Variants in KCNIP4 observed in about 807,000 individuals in gnomAD.
The protein encoded by KCNIP4 is Kv channel-interacting protein 4.
Under a neutral mutation model 34.0 loss-of-function variants are expected in KCNIP4, and 12 were observed. That is an observed-to-expected ratio of 0.35 (90% CI 0.23 to 0.57). The LOEUF (loss-of-function observed/expected upper bound fraction) is 0.57, where lower values mean the gene tolerates loss of function less well. Among genes scored for constraint, KCNIP4 ranks in the 20% least tolerant of loss-of-function variants. The pLI, the probability that KCNIP4 is intolerant of heterozygous loss-of-function variation, is 0.83. For missense variants in KCNIP4, 238 were observed against 311.7 expected, an observed-to-expected ratio of 0.76 and a Z score of 1.78; for synonymous variants, 124 against 102.2, an observed-to-expected ratio of 1.21 and a Z score of -1.29.
At chr4:21,106,086 G>A (rs1236005121) in intron 1 of KCNIP4, among the ~76,000 whole-genome samples, 6 of 151,504 alleles carry the variant, frequency 4.0e-5, no homozygotes, top group African/African-American at 1.5e-4. Context: ...GCCTGGCTTT[G>A]GTATCAGGAT....
At chr4:21,217,402 G>A (rs775800228) in intron 1 of KCNIP4, among the ~76,000 whole-genome samples, 14 of 152,146 alleles carry the variant, frequency 9.2e-5, no homozygotes, top group Non-Finnish European at 1.9e-4. Context: ...GTGGGCAAAG[G>A]CAAGTTGGGA....
At chr4:21,807,023 A>G (rs994389924) in intron 1 of KCNIP4, among the ~76,000 whole-genome samples, 4 of 152,076 alleles carry the variant, frequency 2.6e-5, no homozygotes, top group African/African-American at 9.7e-5. Context: ...CTGCAACTAG[A>G]TGGTCCCACC....
At position 21,688,650 on chromosome 4, in the gene KCNIP4, A is replaced by G. The variant is rs138778939; in HGVS notation, c.61+259921T>C. Among the ~76,000 whole-genome samples the G allele has an allele frequency of 2.6e-3, 401 of 152,198 alleles. 1 individual carries two copies. Among genetic ancestry groups the G allele is most frequent in the African/African-American group, 7.7e-3 (320 of 41,542 alleles). On this transcript the variant is annotated intron_variant, in intron 1 of 8. Coordinates refer to ENST00000382152, the MANE Select transcript of KCNIP4 (RefSeq NM_025221.6). Reference sequence around the variant, plus strand: ...ACAGGTGTTTAATTGATAAAATGCAATATTTCCTACCTGACCACTCAAAAA... The same window carrying G: ...ACAGGTGTTTAATTGATAAAATGCAGTATTTCCTACCTGACCACTCAAAAA...
At chr4:20,878,659 T>C (rs945758241) in intron 2 of KCNIP4, among the ~76,000 whole-genome samples, 1 of 152,112 alleles carries the variant, frequency 6.6e-6, no homozygotes, top group African/African-American at 2.4e-5. Context: ...TCTAAAAATA[T>C]TGTGGAATGA....
chr4:20,871,542 G>A (rs763072857), intron 2 of KCNIP4, among the ~76,000 whole-genome samples: 6 of 152,202 alleles, frequency 3.9e-5, no homozygotes, highest in African/African-American at 1.2e-4. Flanking sequence ...GCCTAGAAAT[G>A]ACCATTTTCT....
At chr4:21,865,140 A>T (rs1285084682) in intron 1 of KCNIP4, among the ~76,000 whole-genome samples, 4 of 152,134 alleles carry the variant, frequency 2.6e-5, no homozygotes, top group African/African-American at 9.7e-5. Flanking sequence ...AAAAAAGCTA[A>T]TTGATGAGAA....
chr4:21,033,795 G>T (rs1042877824), intron 1 of KCNIP4, among the ~76,000 whole-genome samples: 1 of 152,036 alleles, frequency 6.6e-6, no homozygotes, highest in African/African-American at 2.4e-5. Context: ...GTATTTTAAT[G>T]GTAATGTTGG....
At chr4:21,514,408 A>G (rs1734587150) in intron 1 of KCNIP4, among the ~76,000 whole-genome samples, 1 of 152,196 alleles carries the variant, frequency 6.6e-6, no homozygotes, top group Non-Finnish European at 1.5e-5. Flanking sequence ...CACACAGAGG[A>G]AAAGGACAGA....
chr4:21,851,910 T>C (rs922042015), intron 1 of KCNIP4: 1 of 152,048 alleles, frequency 6.6e-6, no homozygotes, highest in African/African-American at 2.4e-5. Flanking sequence ...TGCTTTTGAG[T>C]TAATTGTTTC....
chr4:20,843,746 AC>A (rs1720037457), intron 3 of KCNIP4, among the ~76,000 whole-genome samples: 1 of 152,196 alleles, frequency 6.6e-6, no homozygotes, highest in Non-Finnish European at 1.5e-5. Context: ...ACAAAACAAA[AC>A]AAAACAAAAA....
intron 1 of KCNIP4, among the ~76,000 whole-genome samples, chr4:21,569,234 TAAAAAAAAAAAAAAAAAAAAA>T (rs71191521): frequency 4.0e-5 from 1 of 25,176 alleles, no homozygotes; most frequent in South Asian, 3.2e-3. Flanking sequence ...ACTGATATTC[TAAAAAAAAAAAAAAAAAAAAA>T]AAAAAAAAAA....
intron 3 of KCNIP4, among the ~76,000 whole-genome samples, chr4:20,803,850 T>C (rs191567091): frequency 1.3e-5 from 2 of 152,100 alleles, no homozygotes; most frequent in East Asian, 3.9e-4. Flanking sequence ...ATGGAGGCCA[T>C]TTGATTTATG....
At position 21,896,718 on chromosome 4, in the gene KCNIP4, A is replaced by C. The variant is rs544218237; in HGVS notation, c.61+51853T>G. 2.0e-5 allele frequency among the ~76,000 whole-genome samples: 3 copies of C among 152,220 alleles called. No homozygotes were observed. In the East Asian group the frequency reaches 5.8e-4, roughly 29 times the overall value. On this transcript the variant is annotated intron_variant, in intron 1 of 8. Transcript: ENST00000382152. ...CAGATCATTTGAGGTTAGGAGTTTG[A>C]GATCAGGCTGGCCAACATAGTGAAA... is the stretch of plus-strand genomic sequence containing the variant.
chr4:20,934,999 G>A (rs1730907729), intron 1 of KCNIP4, among the ~76,000 whole-genome samples: 1 of 152,110 alleles, frequency 6.6e-6, no homozygotes, highest in South Asian at 2.1e-4. Context: ...TCCAGTCTCT[G>A]CCTCCATCTT....
chr4:21,128,068 T>C (rs1380265676), intron 1 of KCNIP4, among the ~76,000 whole-genome samples: 4 of 152,218 alleles, frequency 2.6e-5, no homozygotes, highest in African/African-American at 4.8e-5. Flanking sequence ...CTGTTAAACA[T>C]TGACCTTCAA....
intron 1 of KCNIP4, among the ~76,000 whole-genome samples, chr4:21,803,449 A>G (rs1235147513): frequency 6.6e-6 from 1 of 152,102 alleles, no homozygotes; most frequent in Non-Finnish European, 1.5e-5. Context: ...TGTACAATGC[A>G]CTGTGATGTG....
intron 1 of KCNIP4, among the ~76,000 whole-genome samples, chr4:20,982,019 G>A (rs1736112334): frequency 6.6e-6 from 1 of 152,142 alleles, no homozygotes; most frequent in Non-Finnish European, 1.5e-5. Flanking sequence ...ACTCAAATTC[G>A]AAGTTTGAAT....
At chr4:21,566,732 G>A (rs1380518181) in intron 1 of KCNIP4, among the ~76,000 whole-genome samples, 1 of 152,138 alleles carries the variant, frequency 6.6e-6, no homozygotes, top group Admixed American at 6.6e-5. Flanking sequence ...ACATTTGGGA[G>A]TAAGAAGACT....
intron 1 of KCNIP4, chr4:21,852,342 A>G (rs1724464246): frequency 6.6e-6 from 1 of 152,218 alleles, no homozygotes; most frequent in Admixed American, 6.5e-5. Context: ...TCCATGAGGC[A>G]ACTCACAATC....
Sources: allele counts gnomAD v4.1 joint callset (sites outside exome capture counted in the v4.1 genomes callset), GRCh38; gene constraint gnomAD v4.1.1; transcripts MANE v1.5; gene names NCBI Gene and HGNC (gene_info 2026-07-23, HGNC 2026-07-21).